Variants in ALPL observed in about 807,000 individuals in gnomAD.
ALPL encodes the protein alkaline phosphatase, biomineralization associated.
A neutral mutation model predicts 51.3 loss-of-function variants in ALPL; 42 were observed. That is an observed-to-expected ratio of 0.82 (90% confidence interval 0.64 to 1.06). ALPL has a LOEUF of 1.06. Ranked by LOEUF, ALPL falls within the 50% of genes least tolerant of loss-of-function variation. The probability of loss-of-function intolerance (pLI) is 0.00; values close to 1 mark genes in which losing one functional copy is unlikely to be tolerated. For missense variants in ALPL, 589 were observed against 709.4 expected (o/e 0.83, Z 1.93); for synonymous variants, 279 against 296.4 (o/e 0.94, Z 0.60).
At chr1:21,523,326 G>T (rs1339374586) in intron 1 of ALPL, among the ~76,000 whole-genome samples, 1 of 152,074 alleles carries the variant, frequency 6.6e-6, no homozygotes, top group Admixed American at 6.6e-5. Flanking sequence ...ACAAAAATGG[G>T]GAATAAGCTC....
intron 1 of ALPL, among the ~76,000 whole-genome samples, chr1:21,534,971 G>A (rs570831837): frequency 1.3e-5 from 2 of 152,166 alleles, no homozygotes; most frequent in African/African-American, 2.4e-5. Context: ...TGTACTTACC[G>A]CCACCTGGCG....
At chr1:21,556,456 C>T (rs192989124) in intron 2 of ALPL, among the ~76,000 whole-genome samples, 183 of 151,834 alleles carry the variant, frequency 1.2e-3, no homozygotes, top group Non-Finnish European at 9.3e-4. Context: ...GCCTGGGCAA[C>T]ATAGTGAGAC....
chr1:21,577,467 GC>G lies in ALPL; in HGVS notation c.1398del (p.Met467TrpfsTer17). The G allele has an allele frequency of 6.2e-7, 1 of 1,610,854 alleles. No homozygotes were observed. The highest frequency in any genetic ancestry group is 8.5e-7 in the Non-Finnish European group (1 of 1,179,924). On this transcript the variant is annotated frameshift_variant, in exon 12 of 12. Coordinates refer to ENST00000374840, the MANE Select transcript of ALPL (RefSeq NM_000478.6). LOFTEE classifies it high-confidence loss of function. Reference sequence around the variant, plus strand: ...GAGGACGTGGCCGTCTTCTCCAAGGGCCCCATGGCGCACCTGCTGCACGGCG... The same window carrying G: ...GAGGACGTGGCCGTCTTCTCCAAGGGCCCATGGCGCACCTGCTGCACGGCG... The part of the protein sequence containing the change: ...GGEDVAVFSK[G>X]PMAHLLHGVH...
At chr1:21,560,492 TG>T in intron 2 of ALPL, 133 bp from the exon 3 acceptor site, 1 of 1,155,436 alleles carries the variant, frequency 8.7e-7, no homozygotes, top group Non-Finnish European at 1.2e-6. Flanking sequence ...ATGTGTTGTC[TG>T]GGTGGGCAAC....
At chr1:21,574,293 A>G (rs946853026) in intron 9 of ALPL, 1 of 759,506 alleles carries the variant, frequency 1.3e-6, no homozygotes. Flanking sequence ...AGCCAAAAAT[A>G]GCATCTGTCT....
At chr1:21,534,281 A>G (rs1160928073) in intron 1 of ALPL, among the ~76,000 whole-genome samples, 1 of 152,206 alleles carries the variant, frequency 6.6e-6, no homozygotes, top group South Asian at 2.1e-4. Flanking sequence ...TGGATCCTAC[A>G]TGTATATTCT....
At chr1:21,571,725 C>G (rs748481946) in intron 8 of ALPL, among the ~76,000 whole-genome samples, 1 of 151,682 alleles carries the variant, frequency 6.6e-6, no homozygotes, top group Non-Finnish European at 1.5e-5. Flanking sequence ...TGCAATGGCT[C>G]GCGCCTGTAA....
At chr1:21,566,039 G>T (rs970810965) in intron 6 of ALPL, among the ~76,000 whole-genome samples, 1 of 151,972 alleles carries the variant, frequency 6.6e-6, no homozygotes, top group Non-Finnish European at 1.5e-5. Context: ...ACAGTTGTGG[G>T]GGGCGGGGCA....
At chr1:21,529,972 A>G (rs920630021) in intron 1 of ALPL, among the ~76,000 whole-genome samples, 9 of 151,928 alleles carry the variant, frequency 5.9e-5, no homozygotes, top group Non-Finnish European at 1.0e-4. Context: ...ATGGAGTTTC[A>G]TTGTGTTGCC....
intron 2 of ALPL, among the ~76,000 whole-genome samples, chr1:21,554,858 T>G (rs1644387615): frequency 7.3e-6 from 1 of 136,436 alleles, no homozygotes; most frequent in Admixed American, 7.8e-5. Flanking sequence ...TCTTTCTTTC[T>G]TTCTTTCTTT....
chr1:21,544,043 A>G (rs1009358502), intron 1 of ALPL, among the ~76,000 whole-genome samples: 5 of 152,206 alleles, frequency 3.3e-5, no homozygotes, highest in African/African-American at 1.2e-4. Context: ...GGCCTGGCCC[A>G]GTACCTGCCA....
chr1:21,560,614 C>T lies in ALPL; in HGVS notation c.62-12C>T, dbSNP rs762305181. 2 of 1,613,994 alleles carry T rather than the reference C, an allele frequency of 1.2e-6. No homozygotes were observed. Among genetic ancestry groups the T allele is most frequent in the Non-Finnish European group, 1.7e-6 (2 of 1,179,946 alleles). ...CTTACCCCGCCAAGTAACTGCCTCT[C>T]TCTGTGTTTAGAGAAAGAGAAAGAC... On this transcript the variant is annotated splice_polypyrimidine_tract_variant and intron_variant, in intron 2 of 11. Transcript: ENST00000374840.
chr1:21,567,296 G>A (rs1186508077), intron 6 of ALPL, among the ~76,000 whole-genome samples: 1 of 152,248 alleles, frequency 6.6e-6, no homozygotes, highest in African/African-American at 2.4e-5. Flanking sequence ...GGCGGCTGCT[G>A]TTATGCTCTT....
At chr1:21,546,081 T>C (rs1175014082) in intron 1 of ALPL, among the ~76,000 whole-genome samples, 2 of 152,242 alleles carry the variant, frequency 1.3e-5, no homozygotes, top group African/African-American at 2.4e-5. Flanking sequence ...CCCAAAGTGC[T>C]GGGATTGCAG....
At chr1:21,545,637 C>T (rs1644245351) in intron 1 of ALPL, among the ~76,000 whole-genome samples, 2 of 151,958 alleles carry the variant, frequency 1.3e-5, no homozygotes, top group South Asian at 2.1e-4. Context: ...ACTGTTCAAA[C>T]CGTGTTCAAA....
At chr1:21,548,079 G>A (rs192539818) in intron 1 of ALPL, among the ~76,000 whole-genome samples, 294 of 152,342 alleles carry the variant, frequency 1.9e-3, no homozygotes, top group African/African-American at 6.7e-3. Flanking sequence ...ATCAGGCTAC[G>A]GAGGAGCCGG....
At chr1:21,543,358 G>A (rs753066654) in intron 1 of ALPL, among the ~76,000 whole-genome samples, 7 of 151,796 alleles carry the variant, frequency 4.6e-5, no homozygotes, top group East Asian at 1.9e-4. Flanking sequence ...AAAACCTCAC[G>A]ATATAGACAG....
At chr1:21,514,395 G>A (rs1643753070) in intron 1 of ALPL, among the ~76,000 whole-genome samples, 1 of 152,204 alleles carries the variant, frequency 6.6e-6, no homozygotes, top group African/African-American at 2.4e-5. Context: ...CTCCCTAACA[G>A]CCCTGTGCAT....
At chr1:21,568,381 C>T in intron 7 of ALPL, 134 bp downstream of exon 7, 1 of 1,210,790 alleles carries the variant, frequency 8.3e-7, no homozygotes, top group African/African-American at 1.5e-5. Context: ...CTCAAATGGC[C>T]TAAGAGATAT....
Sources: gnomAD v4.1 joint callset for allele counts (sites outside exome capture counted in the v4.1 genomes callset) on GRCh38, gnomAD v4.1.1 for gene constraint, MANE v1.5 for transcripts, NCBI Gene and HGNC (gene_info 2026-07-23, HGNC 2026-07-21) for gene names.